Variants in LOC400499 observed in about 807,000 individuals in gnomAD.
At chr16:11,451,186 G>C in the LOC400499 span, among the ~76,000 whole-genome samples, 3 of 152,212 alleles carry the variant, frequency 2.0e-5, no homozygotes, top group Non-Finnish European at 4.4e-5. Flanking sequence ...AGGTGATGAG[G>C]CAAGTGGGGT....
At chr16:11,429,599 G>C in the LOC400499 span, among the ~76,000 whole-genome samples, 2 of 152,182 alleles carry the variant, frequency 1.3e-5, no homozygotes, top group East Asian at 3.9e-4. Context: ...TCAGCCTCCT[G>C]AGTAGCTGGG....
chr16:11,495,184 G>A, the LOC400499 span, among the ~76,000 whole-genome samples: 1 of 150,406 alleles, frequency 6.6e-6, no homozygotes, highest in Non-Finnish European at 1.5e-5. Context: ...ACTGCACCCT[G>A]GGTGGCAGAG....
chr16:11,465,431 G>A, the LOC400499 span: 1 of 152,136 alleles, frequency 6.6e-6, no homozygotes, highest in African/African-American at 2.4e-5. Context: ...CTGAAAAGTG[G>A]ATAGAAGTTT....
chr16:11,431,422 C>G, the LOC400499 span, among the ~76,000 whole-genome samples: 1 of 151,936 alleles, frequency 6.6e-6, no homozygotes, highest in Non-Finnish European at 1.5e-5. Flanking sequence ...CATTTTTTTC[C>G]TAGGAGACAG....
chr16:11,454,416 C>G, the LOC400499 span, among the ~76,000 whole-genome samples: 1 of 152,120 alleles, frequency 6.6e-6, no homozygotes, highest in African/African-American at 2.4e-5. Flanking sequence ...TGAGGTCATA[C>G]GAGAATAGGA....
the LOC400499 span, among the ~76,000 whole-genome samples, chr16:11,377,657 C>G: frequency 6.6e-6 from 1 of 152,192 alleles, no homozygotes; most frequent in East Asian, 1.9e-4. Flanking sequence ...ATAAATCTCA[C>G]TTGATCATGG....
chr16:11,516,183 G>A, the LOC400499 span: 1 of 399,918 alleles, frequency 2.5e-6, no homozygotes, highest in Non-Finnish European at 4.4e-6. Context: ...GGGTGGCCCT[G>A]CAGGAGGCTC....
the LOC400499 span, among the ~76,000 whole-genome samples, chr16:11,419,477 G>C: frequency 4.8e-5 from 7 of 146,564 alleles, no homozygotes; most frequent in East Asian, 1.4e-3. Flanking sequence ...TTAAACGTTA[G>C]ACCTAAAAAC....
chr16:11,453,169 C>T, the LOC400499 span, among the ~76,000 whole-genome samples: 9 of 152,226 alleles, frequency 5.9e-5, no homozygotes, highest in Middle Eastern at 3.4e-3. Flanking sequence ...TCTGTTTCAG[C>T]GGGTCTCTTA....
At chr16:11,506,175 T>C in the LOC400499 span, among the ~76,000 whole-genome samples, 1 of 152,134 alleles carries the variant, frequency 6.6e-6, no homozygotes, top group Non-Finnish European at 1.5e-5. Flanking sequence ...TAGCTAGGAT[T>C]ACAGGCTCCT....
chr16:11,406,125 G>A, the LOC400499 span, among the ~76,000 whole-genome samples: 7 of 152,238 alleles, frequency 4.6e-5, no homozygotes, highest in Admixed American at 2.0e-4. Flanking sequence ...CCCAAATATC[G>A]AACATCATAC....
the LOC400499 span, among the ~76,000 whole-genome samples, chr16:11,397,152 C>A: frequency 1.3e-5 from 2 of 152,190 alleles, no homozygotes; most frequent in African/African-American, 4.8e-5. Context: ...CACATCCACT[C>A]CCTGCACCTA....
chr16:11,403,432 C>T, the LOC400499 span, among the ~76,000 whole-genome samples: 2 of 152,232 alleles, frequency 1.3e-5, no homozygotes, highest in Admixed American at 6.5e-5. Context: ...CAGGCATGCA[C>T]ACACGTGCAT....
the LOC400499 span, among the ~76,000 whole-genome samples, chr16:11,396,144 G>C: frequency 6.6e-6 from 1 of 152,212 alleles, no homozygotes; most frequent in South Asian, 2.1e-4. Context: ...TTAACCCCAT[G>C]GGAGATAGGG....
chr16:11,439,545 C>T, the LOC400499 span: 40 of 399,026 alleles, frequency 1.0e-4, no homozygotes, highest in Non-Finnish European at 1.7e-4. Flanking sequence ...AAGAAAAATG[C>T]AAAGTCGGAG....
chr16:11,411,005 C>T, the LOC400499 span, among the ~76,000 whole-genome samples: 1 of 152,384 alleles, frequency 6.6e-6, no homozygotes. Context: ...GGAGGCCTCC[C>T]CCATCTCCCA....
chr16:11,521,668 G>A, the LOC400499 span, among the ~76,000 whole-genome samples: 13 of 152,062 alleles, frequency 8.5e-5, no homozygotes, highest in South Asian at 2.1e-4. Context: ...GTATGTCCCC[G>A]TTCTATGGCT....
At chr16:11,399,985 G>A in the LOC400499 span, among the ~76,000 whole-genome samples, 4 of 151,828 alleles carry the variant, frequency 2.6e-5, no homozygotes, top group East Asian at 7.7e-4. Context: ...GGAGGGTGGA[G>A]AGACTGCCCT....
chr16:11,516,083 G>A, the LOC400499 span: 1 of 399,376 alleles, frequency 2.5e-6, no homozygotes, highest in Non-Finnish European at 4.4e-6. Context: ...CAGGGTTGGG[G>A]ACAGGTCAAC....
Sources: allele counts gnomAD v4.1 joint callset (sites outside exome capture counted in the v4.1 genomes callset), GRCh38; gene constraint gnomAD v4.1.1; transcripts MANE v1.5.